The following CD46 variants were observed in gnomAD, a reference collection of about 807,000 sequenced individuals.
CD46 encodes CD46 molecule, also known as membrane cofactor protein.
In CD46, 30 loss-of-function variants were observed where a neutral mutation model predicts 53.3. The observed-to-expected ratio is 0.56, with a 90% CI of 0.42 to 0.76. CD46 has a LOEUF of 0.76. Ranked by LOEUF, CD46 falls within the 30% of genes least tolerant of loss-of-function variation. The pLI, the probability that CD46 is intolerant of heterozygous loss-of-function variation, is 0.00. For synonymous variants in CD46, 142 were observed against 152.0 expected (o/e 0.93, Z 0.48); for missense variants, 409 against 463.0 (o/e 0.88, Z 1.07).
At chr1:207,756,822 T>C (rs12067460) in intron 1 of CD46, among the ~76,000 whole-genome samples, 192 bp from the exon 2 acceptor site, 2 of 152,238 alleles carry the variant, frequency 1.3e-5, no homozygotes, top group Admixed American at 1.3e-4. Context: ...GCTAATAGGA[T>C]GTTACTTAAA....
intron 7 of CD46, chr1:207,768,485 C>T (rs537232995): frequency 6.6e-6 from 1 of 152,284 alleles, no homozygotes; most frequent in African/African-American, 2.4e-5. Context: ...GTATTTCTGC[C>T]TCTTCCCTAC....
Position 207,752,188 on chromosome 1 carries a change from A to G in CD46, c.-25A>G. On this transcript the variant is annotated 5_prime_UTR_variant, in exon 1 of 13. Transcript: ENST00000367042. The surrounding 1 kb of genome is among the most constrained non-coding windows in gnomAD (Gnocchi z 4.1). ...CGGTTTCTCTGCTTTCCTCCGGAGAAATAACAGCGTCTTCCGCGCCGCGCA... is the reference window on the plus strand; with the variant it reads ...CGGTTTCTCTGCTTTCCTCCGGAGAGATAACAGCGTCTTCCGCGCCGCGCA... The G allele has an allele frequency of 6.2e-7, 1 of 1,609,194 alleles. No individual in the cohort carries two copies. The highest frequency in any genetic ancestry group is 2.2e-5 in the East Asian group (1 of 44,858).
intron 12 of CD46, among the ~76,000 whole-genome samples, chr1:207,792,442 AAAG>A (rs1659884472): frequency 6.6e-6 from 1 of 152,206 alleles, no homozygotes; most frequent in African/African-American, 2.4e-5. Flanking sequence ...CCTCCCCGGC[AAAG>A]AAGAACCAAC....
At chr1:207,764,892 T>A (rs1656670283) in intron 5 of CD46, among the ~76,000 whole-genome samples, 1 of 152,230 alleles carries the variant, frequency 6.6e-6, no homozygotes, top group Non-Finnish European at 1.5e-5. Flanking sequence ...ACAGCAATTC[T>A]ACACAAGCGT....
chr1:207,766,905 TC>T, intron 5 of CD46, 107 bp from the exon 6 acceptor site: 1 of 806,868 alleles, frequency 1.2e-6, no homozygotes, highest in Non-Finnish European at 2.1e-6. Context: ...GTTTTTAACA[TC>T]TTGCATTCCA....
chr1:207,752,376 C>A lies in CD46; in HGVS notation c.97+67C>A, dbSNP rs1655019306. On this transcript the variant is annotated intron_variant, in intron 1 of 12. Transcript: ENST00000367042. The surrounding 1 kb of genome is among the most constrained non-coding windows in gnomAD (Gnocchi z 4.1). ...GAGCTCTCCTCAGTCGGGCAAGAGT[C>A]GCGGGGCGGGGCTCACAGCAGGCCG... The A allele has an allele frequency of 2.1e-6, 3 of 1,462,174 alleles. No individual in the cohort carries two copies. Among genetic ancestry groups the A allele is most frequent in the South Asian group, 2.3e-5 (2 of 88,028 alleles). The allele number at this position is 1,462,174 out of a possible 1,614,324, so 90.6% of individuals were successfully genotyped here. A position where few individuals can be genotyped will look rare whatever the true frequency, so the allele number is the denominator to read the frequency against.
intron 12 of CD46, among the ~76,000 whole-genome samples, chr1:207,791,357 A>C (rs763398662): frequency 1.3e-5 from 2 of 152,234 alleles, no homozygotes; most frequent in Non-Finnish European, 2.9e-5. Context: ...TAATAATATC[A>C]ATTATAAAAA....
chr1:207,755,754 A>G lies in CD46; in HGVS notation c.98-1260A>G, dbSNP rs905055033. ...ATATCTGGTCACCTGCCAGGATACCAGAAGACTGGGAGATAGGCAGCACAA... is the reference window on the plus strand; with the variant it reads ...ATATCTGGTCACCTGCCAGGATACCGGAAGACTGGGAGATAGGCAGCACAA... On this transcript the variant is annotated intron_variant, in intron 1 of 12. Transcript: ENST00000367042. Among the ~76,000 whole-genome samples, 36 of 152,282 alleles carry G rather than the reference A, an allele frequency of 2.4e-4. 1 individual carries two copies. The highest frequency in any genetic ancestry group is 8.7e-4 in the African/African-American group (36 of 41,482).
chr1:207,754,285 C>T (rs1480570303), intron 1 of CD46, among the ~76,000 whole-genome samples: 3 of 152,170 alleles, frequency 2.0e-5, no homozygotes, highest in African/African-American at 7.2e-5. Context: ...AGCCCAGGAA[C>T]ATTCTCCTCC....
Position 207,777,231 on chromosome 1 carries a change from T to C in CD46, c.944-6061T>C, listed in dbSNP as rs529995119. ...TAGAATTTCAAACATTACAAAAGTA[T>C]ATAGAGTAAAAGATTAGTTTTATTT... On this transcript the variant is annotated intron_variant, in intron 8 of 12. Coordinates refer to ENST00000367042, the MANE Select transcript of CD46 (RefSeq NM_172351.3). 4.1e-4 allele frequency among the ~76,000 whole-genome samples: 63 copies of C among 152,308 alleles called. 1 individual carries two copies. The highest frequency in any genetic ancestry group is 8.5e-4 in the Non-Finnish European group (58 of 68,014).
At chr1:207,781,083 C>G (rs41317957) in intron 8 of CD46, among the ~76,000 whole-genome samples, 1 of 150,834 alleles carries the variant, frequency 6.6e-6, no homozygotes, top group Non-Finnish European at 1.5e-5. Flanking sequence ...ATTACATTGA[C>G]AATTAAATTT....
chr1:207,775,845 G>C (rs942723847), intron 8 of CD46, among the ~76,000 whole-genome samples: 2 of 152,206 alleles, frequency 1.3e-5, no homozygotes, highest in Non-Finnish European at 2.9e-5. Context: ...TGAGGAGGCA[G>C]TCTGTCCAGT....
At chr1:207,770,625 T>G (rs1367600249) in intron 8 of CD46, among the ~76,000 whole-genome samples, 1 of 151,698 alleles carries the variant, frequency 6.6e-6, no homozygotes, top group Non-Finnish European at 1.5e-5. Flanking sequence ...GTTGTTCAAC[T>G]CCTACCTATG....
intron 8 of CD46, among the ~76,000 whole-genome samples, chr1:207,780,032 A>G (rs1188799278): frequency 6.7e-6 from 1 of 149,032 alleles, no homozygotes; most frequent in Non-Finnish European, 1.5e-5. Context: ...TTTTTATCTT[A>G]TCATTTTGAC....
rs1483201583 is a variant in CD46 at position 207,790,260 on chromosome 1, C to T, written c.1090C>T (p.Leu364=). Residue 364 remains leucine, a synonymous_variant, in exon 12 of 13, where the codon CTA becomes TTA. Coordinates refer to ENST00000367042, the MANE Select transcript of CD46 (RefSeq NM_172351.3). ...TTCTCTTCCTCTGTTCAGCACATAC[C>T]TAACTGATGAGACCCACAGAGAAGT... ...LQRRKKKGTY[L]TDETHREVKF... is the part of the protein sequence containing the mutation. 6.4e-6 allele frequency: 10 copies of T among 1,566,244 alleles called. No homozygotes were observed. Among genetic ancestry groups the T allele is most frequent in the Non-Finnish European group, 8.8e-6 (10 of 1,136,576 alleles).
chr1:207,795,273 A>C lies in CD46; in HGVS notation c.*1796A>C, dbSNP rs993778948. On this transcript the variant is annotated 3_prime_UTR_variant, in exon 13 of 13. Transcript: ENST00000367042. The stretch of plus-strand genomic sequence containing the variant: ...TTCAAATTTAATATTTATATTAGAG[A>C]TCTATATATGTATAAATATGTATTT... The C allele has an allele frequency of 6.6e-6, 1 of 152,122 alleles. No individual in the cohort carries two copies. Among genetic ancestry groups the C allele is most frequent in the Non-Finnish European group, 1.5e-5 (1 of 68,024 alleles). The allele number at this position is 152,122 out of a possible 1,614,324, so 9.4% of individuals were successfully genotyped here. A position where few individuals can be genotyped will look rare whatever the true frequency, so the allele number is the denominator to read the frequency against.
intron 8 of CD46, among the ~76,000 whole-genome samples, chr1:207,780,505 T>C (rs1386485968): frequency 6.6e-6 from 1 of 152,196 alleles, no homozygotes; most frequent in Non-Finnish European, 1.5e-5. Flanking sequence ...GTAATGCTGT[T>C]ATAAACATAG....
Position 207,759,668 on chromosome 1 carries a change from A to G in CD46, c.419A>G (p.Tyr140Cys). 6.3e-7 allele frequency: 1 copy of G among 1,597,670 alleles called. No homozygotes were observed. The highest frequency in any genetic ancestry group is 8.6e-7 in the Non-Finnish European group (1 of 1,165,308). ...TACTTAATTGGTGAAGAAATTCTAT[A>G]TTGTGAACTTAAAGGATCAGTAGCA... is the stretch of plus-strand genomic sequence containing the variant. ...GYYLIGEEIL[Y>C]CELKGSVAIW... The change falls in exon 4 of 13, where the codon TAT (tyrosine) becomes TGT (cysteine). Residue 140 changes from tyrosine to cysteine, a missense_variant. Tyr to Cys is a radical substitution (Grantham distance 194, BLOSUM62 -2). Coordinates refer to ENST00000367042, the MANE Select transcript of CD46 (RefSeq NM_172351.3).
rs371479793 is a variant in CD46, at chr1:207,792,387, ATAT to A, written c.*42-1128_*42-1126del. Among the ~76,000 whole-genome samples, 410 of 152,322 alleles carry A rather than the reference ATAT, an allele frequency of 2.7e-3. 2 individuals are homozygous for A. The highest frequency in any genetic ancestry group is 9.4e-3 in the African/African-American group (391 of 41,556). The stretch of plus-strand genomic sequence containing the variant: ...TCACAACAGTCCTTAGGGAACTGCA[ATAT>A]TATAAGTATAGTAATGACGCAGTAG... On this transcript the variant is annotated intron_variant, in intron 12 of 12. Transcript: ENST00000367042.
Sources: gnomAD v4.1 joint callset for allele counts (sites outside exome capture counted in the v4.1 genomes callset) on GRCh38, gnomAD v4.1.1 for gene constraint, Gnocchi (gnomAD v3.1) non-coding constraint, MANE v1.5 for transcripts, NCBI Gene and HGNC (gene_info 2026-07-23, HGNC 2026-07-21) for gene names.